The following PDE4D variants were observed in gnomAD, a reference collection of about 807,000 sequenced individuals.
PDE4D encodes 3',5'-cyclic-AMP phosphodiesterase 4D.
In PDE4D, 24 loss-of-function variants were observed where a neutral mutation model predicts 87.4. The observed-to-expected ratio is 0.27, with a 90% CI of 0.20 to 0.39. PDE4D has a LOEUF of 0.39. PDE4D is among the 10% of genes least tolerant of loss of function. The pLI is 1.00. For synonymous variants in PDE4D, 384 were observed against 383.2 expected, an observed-to-expected ratio of 1.00 and a Z score of -0.02; for missense variants, 714 against 1,041.0, an observed-to-expected ratio of 0.69 and a Z score of 4.32.
chr5:59,139,033 C>T (rs1031290382), intron 5 of PDE4D, among the ~76,000 whole-genome samples: 1 of 152,104 alleles, frequency 6.6e-6, no homozygotes, highest in Non-Finnish European at 1.5e-5. Context: ...TACAGGGAGA[C>T]TGAACAATAT....
At position 58,974,873 on chromosome 5, in the gene PDE4D, C is replaced by T. The variant is rs1434350907; in HGVS notation, c.2221G>A (p.Glu741Lys). 1 of 1,612,692 alleles carries T rather than the reference C, an allele frequency of 6.2e-7. No homozygotes were observed. Among genetic ancestry groups the T allele is most frequent in the Admixed American group, 1.7e-5 (1 of 59,910 alleles). ...TEKFQFELTL[E>K]EDGESDTEKD... ...TCCGTGTCTGACTCACCATCTTCCT[C>T]TAAAGTTAGTTCAAACTGGAATTTC... is the stretch of plus-strand genomic sequence containing the variant. Residue 741 changes from glutamate (E) to lysine (K), a missense_variant, in exon 15 of 15, where the codon GAG becomes AAG. Glu to Lys is a moderately conservative substitution (Grantham distance 56, BLOSUM62 1). Around this residue, in one of 7 missense-constraint regions of PDE4D, gnomAD observed 90 missense variants for 95.3 expected, o/e 0.94. Coordinates refer to ENST00000340635, the MANE Select transcript of PDE4D (RefSeq NM_001104631.2).
intron 1 of PDE4D, among the ~76,000 whole-genome samples, chr5:59,481,794 T>G (rs368995024): frequency 2.0e-5 from 3 of 151,950 alleles, no homozygotes; most frequent in Non-Finnish European, 2.9e-5. Context: ...ATTTCCCCTA[T>G]AAAATTTTTC....
Position 59,962,520 on chromosome 5 carries a change from GA to G in PDE4D, c.272+25967del, listed in dbSNP as rs963684974. 3.5e-4 allele frequency among the ~76,000 whole-genome samples: 52 copies of G among 150,218 alleles called. No homozygotes were observed. The South Asian group carries it at 9.5e-3, about 27-fold the overall frequency. Reference sequence around the variant, plus strand: ...GCCCTGAAATCTTACGCTCCTACATGAAAAAAAAATTTAAATATTTCTCAAA... The same window carrying G: ...GCCCTGAAATCTTACGCTCCTACATGAAAAAAAATTTAAATATTTCTCAAA... On this transcript the variant is annotated intron_variant, in intron 3 of 16. Coordinates refer to the PDE4D transcript ENST00000502484.
At chr5:60,370,610 C>T (rs1406831790) in intron 1 of PDE4D, among the ~76,000 whole-genome samples, 1 of 152,160 alleles carries the variant, frequency 6.6e-6, no homozygotes, top group Non-Finnish European at 1.5e-5. Context: ...GTCAGCCACG[C>T]TATTTGAAAG....
chr5:59,300,748 G>A (rs1770068275), intron 1 of PDE4D, among the ~76,000 whole-genome samples: 1 of 152,068 alleles, frequency 6.6e-6, no homozygotes, highest in South Asian at 2.1e-4. Context: ...CTGTCTACCT[G>A]GAGATAATGT....
At chr5:59,166,170 A>G (rs926889134) in intron 5 of PDE4D, 1 of 152,204 alleles carries the variant, frequency 6.6e-6, no homozygotes. Flanking sequence ...GGGAGGTGAT[A>G]AGCCAGCCAA....
intron 5 of PDE4D, among the ~76,000 whole-genome samples, chr5:59,065,568 G>A (rs1169075220): frequency 6.6e-6 from 1 of 152,150 alleles, no homozygotes; most frequent in Non-Finnish European, 1.5e-5. Flanking sequence ...TTATGGCATT[G>A]ATTGTAATGG....
intron 5 of PDE4D, among the ~76,000 whole-genome samples, chr5:59,153,419 G>A (rs1779725444): frequency 6.6e-6 from 1 of 152,118 alleles, no homozygotes; most frequent in Non-Finnish European, 1.5e-5. Context: ...TCCTCATTCT[G>A]CTCAGAGGGC....
At chr5:60,299,279 G>T (rs1753687955) in intron 1 of PDE4D, among the ~76,000 whole-genome samples, 1 of 152,130 alleles carries the variant, frequency 6.6e-6, no homozygotes, top group Admixed American at 6.6e-5. Flanking sequence ...AGAAAAATAG[G>T]TTCTAACTTT....
intron 5 of PDE4D, among the ~76,000 whole-genome samples, chr5:59,102,243 C>G (rs1038803327): frequency 2.0e-5 from 3 of 151,928 alleles, no homozygotes; most frequent in African/African-American, 7.2e-5. Flanking sequence ...TGTGCCACTA[C>G]TCCTGGCTAA....
At chr5:60,214,752 G>C (rs1323668938) in intron 1 of PDE4D, among the ~76,000 whole-genome samples, 1 of 152,086 alleles carries the variant, frequency 6.6e-6, no homozygotes, top group Non-Finnish European at 1.5e-5. Context: ...ACTTAGAATA[G>C]AGAAAATACC....
intron 3 of PDE4D, among the ~76,000 whole-genome samples, chr5:59,900,466 A>G (rs7717043): frequency 0.23 from 34,447 of 152,044 alleles, 5,669 homozygotes; most frequent in African/African-American, 0.47. Context: ...GCACTTCCAT[A>G]TCTTATTGAA....
At chr5:59,271,389 A>G (rs1032642375) in intron 1 of PDE4D, among the ~76,000 whole-genome samples, 1 of 152,204 alleles carries the variant, frequency 6.6e-6, no homozygotes, top group Non-Finnish European at 1.5e-5. Context: ...GTACAGAAAT[A>G]GTATTTACAG....
At chr5:59,547,747 T>C (rs184544892) in intron 1 of PDE4D, among the ~76,000 whole-genome samples, 1 of 152,194 alleles carries the variant, frequency 6.6e-6, no homozygotes, top group Non-Finnish European at 1.5e-5. Context: ...TTGTCATGCA[T>C]CTTCTCCTCT....
intron 1 of PDE4D, among the ~76,000 whole-genome samples, chr5:60,450,553 A>G (rs1365445199): frequency 6.6e-6 from 1 of 152,086 alleles, no homozygotes; most frequent in Non-Finnish European, 1.5e-5. Flanking sequence ...GGAACAATTA[A>G]ATAACACAAG....
At chr5:60,318,995 A>G (rs1004552810) in intron 1 of PDE4D, among the ~76,000 whole-genome samples, 3 of 152,090 alleles carry the variant, frequency 2.0e-5, no homozygotes, top group Non-Finnish European at 4.4e-5. Context: ...GTATCTTTGT[A>G]GCATTTTCTG....
At chr5:60,084,822 C>T (rs1278036383) in intron 2 of PDE4D, among the ~76,000 whole-genome samples, 1 of 152,048 alleles carries the variant, frequency 6.6e-6, no homozygotes, top group Non-Finnish European at 1.5e-5. Flanking sequence ...CTTTGAACTC[C>T]CCTAGCCCTC....
chr5:60,207,211 AAAG>A (rs1226410429), intron 1 of PDE4D, among the ~76,000 whole-genome samples: 15 of 152,316 alleles, frequency 9.8e-5, no homozygotes, highest in South Asian at 4.1e-4. Context: ...GGAAGGAAGA[AAAG>A]AAGAAGAGAA....
At chr5:59,515,770 T>C (rs1330598792) in intron 1 of PDE4D, among the ~76,000 whole-genome samples, 1 of 152,128 alleles carries the variant, frequency 6.6e-6, no homozygotes, top group African/African-American at 2.4e-5. Context: ...ATGCACTGAA[T>C]AACACTAAAG....
Sources: gnomAD v4.1 joint callset for allele counts (sites outside exome capture counted in the v4.1 genomes callset) on GRCh38, gnomAD v4.1.1 for gene constraint, gnomAD v4.1.1 regional missense constraint, MANE v1.5 for transcripts, NCBI Gene and HGNC (gene_info 2026-07-23, HGNC 2026-07-21) for gene names.